Variants in NABP2 observed in about 807,000 individuals in gnomAD.
NABP2 encodes the protein nucleic acid binding protein 2.
A neutral mutation model predicts 22.7 loss-of-function variants in NABP2; 7 were observed. That is an observed-to-expected ratio of 0.31 (90% CI 0.18 to 0.58). The LOEUF (loss-of-function observed/expected upper bound fraction) is 0.58, where lower values mean the gene tolerates loss of function less well. Ranked by LOEUF, NABP2 falls within the 20% of genes least tolerant of loss-of-function variation. NABP2 has a pLI of 0.89. For synonymous variants in NABP2, 107 were observed against 99.2 expected, an observed-to-expected ratio of 1.08 and a Z score of -0.47; for missense variants, 188 against 265.9, an observed-to-expected ratio of 0.71 and a Z score of 2.04.
chr12:56,229,140 C>G lies in NABP2; in HGVS notation c.563C>G (p.Pro188Arg). 1.2e-6 allele frequency: 2 copies of G among 1,610,994 alleles called. No individual in the cohort carries two copies. The highest frequency in any genetic ancestry group is 1.7e-6 in the Non-Finnish European group (2 of 1,179,134). The change falls in exon 7 of 7, where the codon CCT becomes CGT. Residue 188 changes from proline (P) to arginine (R), a missense_variant. By Grantham distance (103) the Pro-to-Arg change is moderately radical. Coordinates refer to ENST00000267023, the MANE Select transcript of NABP2 (RefSeq NM_024068.4). ...RITRSQPNHT[P>R]AGPPGPSSNP... ...ACTCGAAGCCAGCCCAACCACACAC[C>G]TGCAGGCCCGCCTGGCCCTTCCAGC... is the stretch of plus-strand genomic sequence containing the variant.
At chr12:56,224,731 A>G in intron 1 of NABP2, 103 bp from the exon 2 acceptor site, 2 of 1,095,368 alleles carry the variant, frequency 1.8e-6, no homozygotes, top group Non-Finnish European at 2.7e-6. Flanking sequence ...AGAGGGGTTG[A>G]GGCTGCCTGA....
chr12:56,224,430 C>A lies in NABP2; in HGVS notation c.-35C>A. ...TGCTCAGCGGCGTGCACAGTCCTGCCGGCTGGCTTGGGTGGGTGGTGGGCT... is the reference window on the plus strand; with the variant it reads ...TGCTCAGCGGCGTGCACAGTCCTGCAGGCTGGCTTGGGTGGGTGGTGGGCT... On this transcript the variant is annotated 5_prime_UTR_variant, in exon 1 of 7. Transcript: ENST00000267023. The A allele has an allele frequency of 9.7e-7, 1 of 1,027,258 alleles. No homozygotes were observed. The highest frequency in any genetic ancestry group is 3.7e-5 in the South Asian group (1 of 27,192). 63.6% of individuals were successfully genotyped at this position (1,027,258 alleles called of 1,614,324 possible). A position where few individuals can be genotyped will look rare whatever the true frequency, so the allele number is the denominator to read the frequency against.
chr12:56,229,087 T>TTGCCCCCCCCCCCCC lies in NABP2; in HGVS notation c.510_511insTGCCCCCCCCCCCCC (p.Thr170_Pro171insCysProProProPro). ...GTGGTGGCCCACATCCCCCTCATAC[T>TTGCCCCCCCCCCCCC]CCCTCCCACCCACCCAGCACCCGAA... On this transcript the variant is annotated inframe_insertion, in exon 7 of 7. Transcript: ENST00000267023. 3 of 1,512,326 alleles carry TTGCCCCCCCCCCCCC rather than the reference T, an allele frequency of 2.0e-6. No homozygotes were observed. The highest frequency in any genetic ancestry group is 1.4e-5 in the African/African-American group (1 of 70,798). 93.7% of individuals were successfully genotyped at this position (1,512,326 alleles called of 1,614,324 possible). A position where few individuals can be genotyped will look rare whatever the true frequency, so the allele number is the denominator to read the frequency against.
Position 56,226,410 on chromosome 12 carries a change from G to T in NABP2, c.427G>T (p.Ala143Ser). The T allele has an allele frequency of 6.2e-7, 1 of 1,613,054 alleles. No individual in the cohort carries two copies. Among genetic ancestry groups the T allele is most frequent in the Admixed American group, 1.7e-5 (1 of 59,980 alleles). The change falls in exon 6 of 7, where the codon GCC becomes TCC. Residue 143 changes from alanine to serine, a missense_variant. By Grantham distance (99) the Ala-to-Ser change is moderately conservative. Transcript: ENST00000267023. Reference protein sequence around the residue: ...ASQPTTGPSAASPASENQNGN... With the variant: ...ASQPTTGPSASSPASENQNGN... ...CCAGCCTACCACTGGACCCTCTGCT[G>T]CCTCTCCAGGTAAATCTGTTCCCTT...
In NABP2 at chr12:56,229,245, A is replaced by C; in HGVS notation, c.*32A>C. 1 of 1,609,086 alleles carries C rather than the reference A, an allele frequency of 6.2e-7. No individual in the cohort carries two copies. The highest frequency in any genetic ancestry group is 8.5e-7 in the Non-Finnish European group (1 of 1,177,762). ...ATTCTTTCTTCCTGCCACCAACCAC[A>C]TCCCAAGTGTCCCCTGGAGAGCAAG... On this transcript the variant is annotated 3_prime_UTR_variant, in exon 7 of 7. Transcript: ENST00000267023.
chr12:56,222,528 G>C (rs567862184), upstream of NABP2, among the ~76,000 whole-genome samples: 2 of 152,264 alleles, frequency 1.3e-5, no homozygotes, highest in African/African-American at 4.8e-5. Context: ...CTAAGAGGAA[G>C]GAAGGGAGAA....
chr12:56,225,403 A>G lies in NABP2; in HGVS notation c.110A>G (p.Glu37Gly). The G allele has an allele frequency of 6.2e-7, 1 of 1,614,192 alleles. No homozygotes were observed. Among genetic ancestry groups the G allele is most frequent in the Non-Finnish European group, 8.5e-7 (1 of 1,180,034 alleles). ...GTGACCAAGACAAAGGACGGGCATG[A>G]GGTTCGGACCTGCAAAGTGGCGGAC... ...GRVTKTKDGH[E>G]VRTCKVADKT... Residue 37 changes from glutamate (E) to glycine (G), a missense_variant, in exon 3 of 7, where the codon GAG becomes GGG. Transcript: ENST00000267023.
At chr12:56,224,967 T>C (rs1391124517) in intron 2 of NABP2, 32 bp downstream of exon 2, 2 of 960,408 alleles carry the variant, frequency 2.1e-6, no homozygotes, top group South Asian at 1.4e-5. Context: ...GTTCGCGGGA[T>C]GGGGGTCGGG....
chr12:56,223,458 A>AGG (rs1044750308), upstream of NABP2: 2 of 150,668 alleles, frequency 1.3e-5, no homozygotes, highest in Non-Finnish European at 2.9e-5. Context: ...GCTACTACGG[A>AGG]GGCTGTGGTG....
intron 2 of NABP2, 35 bp downstream of exon 2, chr12:56,224,970 G>T (rs771750408): frequency 4.0e-6 from 6 of 1,497,552 alleles, no homozygotes; most frequent in Non-Finnish European, 5.5e-6. Flanking sequence ...CGCGGGATGG[G>T]GGTCGGGGGC....
chr12:56,229,089 C>T lies in NABP2; in HGVS notation c.512C>T (p.Pro171Leu). 4.9e-6 allele frequency: 3 copies of T among 611,474 alleles called. No homozygotes were observed. Among genetic ancestry groups the T allele is most frequent in the Non-Finnish European group, 8.9e-6 (3 of 336,880 alleles). 37.9% of individuals were successfully genotyped at this position (611,474 alleles called of 1,614,324 possible). A position where few individuals can be genotyped will look rare whatever the true frequency, so the allele number is the denominator to read the frequency against. Residue 171 changes from proline to leucine, a missense_variant, in exon 7 of 7, where the codon CCC becomes CTC. Transcript: ENST00000267023. ...GGTGGCCCACATCCCCCTCATACTC[C>T]CTCCCACCCACCCAGCACCCGAATC... The part of the protein sequence containing the change: ...PGGGPHPPHT[P>L]SHPPSTRITR...
Position 56,229,109 on chromosome 12 carries a change from C to G in NABP2, c.532C>G (p.Arg178Gly), listed in dbSNP as rs750823539. The change falls in exon 7 of 7, where the codon CGA becomes GGA. Residue 178 changes from arginine (R) to glycine (G), a missense_variant. Physicochemically the swap from Arg to Gly is moderately radical, Grantham distance 125. Coordinates refer to ENST00000267023, the MANE Select transcript of NABP2 (RefSeq NM_024068.4). ...PHTPSHPPSTRITRSQPNHTP... is the reference protein window; with the variant it reads ...PHTPSHPPSTGITRSQPNHTP... Reference sequence around the variant, plus strand: ...TACTCCCTCCCACCCACCCAGCACCCGAATCACTCGAAGCCAGCCCAACCA... The same window carrying G: ...TACTCCCTCCCACCCACCCAGCACCGGAATCACTCGAAGCCAGCCCAACCA... 6.2e-7 allele frequency: 1 copy of G among 1,610,168 alleles called. No individual in the cohort carries two copies. Among genetic ancestry groups the G allele is most frequent in the South Asian group, 1.1e-5 (1 of 90,788 alleles).
chr12:56,227,984 G>A (rs1206826007), intron 6 of NABP2, among the ~76,000 whole-genome samples: 3 of 152,094 alleles, frequency 2.0e-5, no homozygotes, highest in Non-Finnish European at 2.9e-5. Context: ...CCTGAGGCTG[G>A]GAGTTCAAGA....
In NABP2 at chr12:56,225,689, T is replaced by C. The variant is rs745344134; in HGVS notation, c.284T>C (p.Ile95Thr). 5.6e-6 allele frequency: 9 copies of C among 1,614,088 alleles called. No homozygotes were observed. Among genetic ancestry groups the C allele is most frequent in the African/African-American group, 4.0e-5 (3 of 75,010 alleles). The change falls in exon 4 of 7, where the codon ATT (isoleucine) becomes ACT (threonine). Residue 95 changes from isoleucine to threonine, a missense_variant. Ile to Thr is a moderately conservative substitution (Grantham distance 89, BLOSUM62 -1). Coordinates refer to ENST00000267023, the MANE Select transcript of NABP2 (RefSeq NM_024068.4). ...YTGRGGDLQK[I>T]GEFCMVYSEV... Reference sequence around the variant, plus strand: ...GGCCGTGGGGGTGATCTGCAGAAGATTGGAGAGTAAGTGCTGTCTTGGGGA... The same window carrying C: ...GGCCGTGGGGGTGATCTGCAGAAGACTGGAGAGTAAGTGCTGTCTTGGGGA...
intron 6 of NABP2, 57 bp from the exon 7 acceptor site, chr12:56,228,939 CATGGAGACAGGCCTTGGG>C: frequency 7.4e-7 from 1 of 1,355,340 alleles, no homozygotes; most frequent in Non-Finnish European, 1.0e-6. Context: ...CTCTTTGGGG[CATGGAGACAGGCCTTGGG>C]ATGGACCCCT....
chr12:56,228,081 A>T (rs979686520), intron 6 of NABP2, among the ~76,000 whole-genome samples: 16 of 152,120 alleles, frequency 1.1e-4, no homozygotes, highest in African/African-American at 3.9e-4. Flanking sequence ...AATCCCAGCT[A>T]CTCAGGAGGC....
chr12:56,222,199 G>C (rs566837535), upstream of NABP2: 23 of 152,378 alleles, frequency 1.5e-4, no homozygotes, highest in East Asian at 4.0e-3. Context: ...GAGGGGTGCA[G>C]GTGACTTGTG....
Position 56,225,690 on chromosome 12 carries a change from T to C in NABP2, c.285T>C (p.Ile95=), listed in dbSNP as rs1486973564. The C allele has an allele frequency of 1.2e-6, 2 of 1,614,008 alleles. No homozygotes were observed. Among genetic ancestry groups the C allele is most frequent in the Non-Finnish European group, 1.7e-6 (2 of 1,180,028 alleles). Residue 95 remains isoleucine (I), a synonymous_variant, in exon 4 of 7, where the codon ATT becomes ATC. Coordinates refer to ENST00000267023, the MANE Select transcript of NABP2 (RefSeq NM_024068.4). The part of the protein sequence containing the change: ...YTGRGGDLQK[I]GEFCMVYSEV... The stretch of plus-strand genomic sequence containing the variant: ...GCCGTGGGGGTGATCTGCAGAAGAT[T>C]GGAGAGTAAGTGCTGTCTTGGGGAT...
Position 56,225,433 on chromosome 12 carries a change from C to T in NABP2, c.140C>T (p.Thr47Ile). 1 of 1,614,214 alleles carries T rather than the reference C, an allele frequency of 6.2e-7. No individual in the cohort carries two copies. Among genetic ancestry groups the T allele is most frequent in the Non-Finnish European group, 8.5e-7 (1 of 1,180,044 alleles). Residue 47 changes from threonine to isoleucine, a missense_variant, in exon 3 of 7, where the codon ACA becomes ATA. Thr to Ile is a moderately conservative substitution (Grantham distance 89). Transcript: ENST00000267023. Reference protein sequence around the residue: ...EVRTCKVADKTGSINISVWDD... With the variant: ...EVRTCKVADKIGSINISVWDD... ...CGGACCTGCAAAGTGGCGGACAAAA[C>T]AGGCAGCATCAATATCTCTGTCTGG...
Sources: gnomAD v4.1 joint callset for allele counts (sites outside exome capture counted in the v4.1 genomes callset) on GRCh38, gnomAD v4.1.1 for gene constraint, MANE v1.5 for transcripts, NCBI Gene and HGNC (gene_info 2026-07-23, HGNC 2026-07-21) for gene names.